Variants in JAKMIP1 observed in about 807,000 individuals in gnomAD.
The protein encoded by JAKMIP1 is janus kinase and microtubule interacting protein 1, also known as janus kinase and microtubule-interacting protein 1.
A neutral mutation model predicts 113.0 loss-of-function variants in JAKMIP1; 33 were observed. The ratio of observed to expected loss-of-function variants is 0.29; its 90% CI spans 0.22 to 0.39. The LOEUF (loss-of-function observed/expected upper bound fraction) is 0.39, where lower values mean the gene tolerates loss of function less well. Ranked by LOEUF, JAKMIP1 falls within the 10% of genes least tolerant of loss-of-function variation. JAKMIP1 has a pLI of 1.00. For synonymous variants in JAKMIP1, 480 were observed against 459.9 expected (o/e 1.04, Z -0.56); for missense variants, 813 against 1,080.5 (o/e 0.75, Z 3.47).
chr4:6,063,545 C>A (rs376003177), intron 9 of JAKMIP1, among the ~76,000 whole-genome samples: 4 of 152,218 alleles, frequency 2.6e-5, no homozygotes, highest in Admixed American at 2.0e-4. Flanking sequence ...GGTGGGCTGA[C>A]GGGGAGGATG....
At position 6,124,932 on chromosome 4, in the gene JAKMIP1, G is replaced by A. The variant is rs74778269; in HGVS notation, c.-147-11935C>T. ...ATCTCCAGGACTATGAGGCCAGCTG[G>A]GTTGAGATTGCCACAGGAGACAGAC... On this transcript the variant is annotated intron_variant, in intron 1 of 20. Transcript: ENST00000409021. Among the ~76,000 whole-genome samples, 270 of 152,302 alleles carry A rather than the reference G, an allele frequency of 1.8e-3. 1 individual carries two copies. The highest frequency in any genetic ancestry group is 3.1e-3 in the Non-Finnish European group (214 of 68,016).
intron 1 of JAKMIP1, among the ~76,000 whole-genome samples, chr4:6,189,248 G>C (rs1010959840): frequency 6.6e-6 from 1 of 152,238 alleles, no homozygotes; most frequent in African/African-American, 2.4e-5. Context: ...CTAAAAGCAG[G>C]CTGCACCGTA....
Position 6,076,176 on chromosome 4 carries a change from CA to C in JAKMIP1, c.1302+2762del, listed in dbSNP as rs960593294. Among the ~76,000 whole-genome samples the C allele has an allele frequency of 6.6e-6, 1 of 151,436 alleles. No homozygotes were observed. The highest frequency in any genetic ancestry group is 2.4e-5 in the African/African-American group (1 of 41,244). On this transcript the variant is annotated intron_variant, in intron 8 of 20. Coordinates refer to ENST00000409021, the MANE Select transcript of JAKMIP1 (RefSeq NM_001099433.2). The surrounding 1 kb of genome is among the most constrained non-coding windows in gnomAD (Gnocchi z 4.8). ...AGGCAACAAGAGCGAAACTCCATCT[CA>C]AAAAAAATTAGTAAATAAATAAAAA...
rs1324758432 is a variant in JAKMIP1 at position 6,036,021 on chromosome 4, C to T, written c.2262G>A (p.Gln754=). 1 of 1,552,754 alleles carries T rather than the reference C, an allele frequency of 6.4e-7. No individual in the cohort carries two copies. The highest frequency in any genetic ancestry group is 1.4e-5 in the African/African-American group (1 of 73,196). The change falls in exon 19 of 21, where the codon CAG becomes CAA. Residue 754 remains glutamine, a synonymous_variant. Coordinates refer to ENST00000409021, the MANE Select transcript of JAKMIP1 (RefSeq NM_001099433.2). ...RRAGEALSEG[Q]REDLQAAVEK... ...CCACAGCAGCCTGCAGGTCCTCCCGCTGGCCCTCGCTCAGCGCCTCACCGG... is the reference window on the plus strand; with the variant it reads ...CCACAGCAGCCTGCAGGTCCTCCCGTTGGCCCTCGCTCAGCGCCTCACCGG...
Position 6,036,053 on chromosome 4 carries a change from G to A in JAKMIP1, c.2230C>T (p.Arg744Trp), listed in dbSNP as rs377012431. Residue 744 changes from arginine (R) to tryptophan (W), a missense_variant, in exon 19 of 21, where the codon CGG becomes TGG. Around this residue, in one of 2 missense-constraint regions of JAKMIP1, gnomAD observed 273 missense variants for 426.6 expected, o/e 0.64. Transcript: ENST00000409021. The part of the protein sequence containing the change: ...LYTALQQEPG[R>W]RAGEALSEGQ... ...TCGCTCAGCGCCTCACCGGCCCTCC[G>A]CCCCGGCTCCTGCTGCAGCGCTGTG... The A allele has an allele frequency of 1.7e-5, 27 of 1,556,500 alleles. No homozygotes were observed. In the East Asian group the frequency reaches 2.7e-4, roughly 15 times the overall value.
At chr4:6,126,809 T>A (rs1044337099) in intron 1 of JAKMIP1, among the ~76,000 whole-genome samples, 3 of 149,432 alleles carry the variant, frequency 2.0e-5, no homozygotes, top group East Asian at 2.0e-4. Flanking sequence ...CGCACACACA[T>A]CATACAGAAA....
At chr4:6,169,816 C>G (rs576909849) in intron 1 of JAKMIP1, among the ~76,000 whole-genome samples, 257 of 151,962 alleles carry the variant, frequency 1.7e-3, no homozygotes, top group African/African-American at 6.0e-3. Flanking sequence ...GTGGTGGTAC[C>G]TACCTCATAG....
chr4:6,159,088 C>CAAAAAA (rs111279741), intron 1 of JAKMIP1, among the ~76,000 whole-genome samples: 1 of 143,538 alleles, frequency 7.0e-6, no homozygotes, highest in Non-Finnish European at 1.5e-5. Context: ...GATCCTGTCT[C>CAAAAAA]AAAAAAAAAA....
intron 8 of JAKMIP1, chr4:6,070,199 G>T (rs973179618): frequency 2.5e-6 from 1 of 398,502 alleles, no homozygotes; most frequent in Non-Finnish European, 4.4e-6. Context: ...GCCCCTGTGC[G>T]TGGGCTTAGG....
chr4:6,039,080 GA>G (rs1428107545), intron 18 of JAKMIP1, among the ~76,000 whole-genome samples: 4 of 152,362 alleles, frequency 2.6e-5, no homozygotes, highest in African/African-American at 9.6e-5. Flanking sequence ...ATCCCACTGG[GA>G]GCACAGTGCC....
intron 1 of JAKMIP1, among the ~76,000 whole-genome samples, chr4:6,115,568 C>T (rs1375344771): frequency 6.6e-6 from 1 of 152,192 alleles, no homozygotes. Flanking sequence ...GACATAGCAG[C>T]CACGCCCCCA....
chr4:6,181,978 GA>G lies in JAKMIP1; in HGVS notation c.-148+18274del, dbSNP rs2109042168. Among the ~76,000 whole-genome samples, 1 of 152,232 alleles carries G rather than the reference GA, an allele frequency of 6.6e-6. No homozygotes were observed. Among genetic ancestry groups the G allele is most frequent in the Admixed American group, 6.5e-5 (1 of 15,298 alleles). ...GAGGAGGGGTCTGGGCAAGTTCAGGGAAAGCAGACGATTCAATAAGGTAAGG... is the reference window on the plus strand; with the variant it reads ...GAGGAGGGGTCTGGGCAAGTTCAGGGAAGCAGACGATTCAATAAGGTAAGG... On this transcript the variant is annotated intron_variant, in intron 1 of 20. Transcript: ENST00000409021. This position sits in a 1 kb window ranked among gnomAD's most constrained non-coding sequence, Gnocchi z 5.4.
chr4:6,169,642 AATT>A (rs1724109263), intron 1 of JAKMIP1, among the ~76,000 whole-genome samples: 1 of 121,656 alleles, frequency 8.2e-6, no homozygotes, highest in African/African-American at 2.9e-5. Context: ...TGTGTGTGTG[AATT>A]ATTTTCAGAT....
At chr4:6,170,876 A>G (rs1192149960) in intron 1 of JAKMIP1, among the ~76,000 whole-genome samples, 1 of 141,660 alleles carries the variant, frequency 7.1e-6, no homozygotes, top group Non-Finnish European at 1.5e-5. Context: ...CATCACAATC[A>G]CCTCCATCAC....
chr4:6,095,892 A>G (rs73073475), intron 3 of JAKMIP1, among the ~76,000 whole-genome samples: 2,585 of 152,316 alleles, frequency 0.017, 64 homozygotes, highest in African/African-American at 0.058. Flanking sequence ...AGGGGAAAAC[A>G]CACAAGAAAT....
intron 16 of JAKMIP1, among the ~76,000 whole-genome samples, chr4:6,043,457 C>T (rs1175272783): frequency 6.6e-6 from 1 of 152,034 alleles, no homozygotes; most frequent in Non-Finnish European, 1.5e-5. Context: ...CCGGGATCCA[C>T]CCTCCCTACC....
chr4:6,105,486 T>C lies in JAKMIP1; in HGVS notation c.611A>G (p.Asp204Gly), dbSNP rs1713758107. ...GGCGGCACGTACCAGCCTGCGGATG[T>C]CGCGCTCGCACTCGCGCTTGATGCG... is the stretch of plus-strand genomic sequence containing the variant. ...VHRIKRECER[D>G]IRRLMDEIKG... The change falls in exon 3 of 21, where the codon GAC (aspartate) becomes GGC (glycine). Residue 204 changes from aspartate to glycine, a missense_variant. This residue lies in a region of JAKMIP1 where 540 missense variants were observed against 653.9 expected (regional missense o/e 0.83). Coordinates refer to ENST00000409021, the MANE Select transcript of JAKMIP1 (RefSeq NM_001099433.2). The C allele has an allele frequency of 6.2e-7, 1 of 1,601,608 alleles. No individual in the cohort carries two copies. Among genetic ancestry groups the C allele is most frequent in the South Asian group, 1.1e-5 (1 of 90,110 alleles).
At chr4:6,130,793 A>G (rs1054268233) in intron 1 of JAKMIP1, among the ~76,000 whole-genome samples, 44 of 152,216 alleles carry the variant, frequency 2.9e-4, no homozygotes, top group Non-Finnish European at 1.2e-4. Flanking sequence ...AGGAAGAAGC[A>G]GTGGGCTTCA....
In JAKMIP1 at chr4:6,141,313, G is replaced by A. The variant is rs1474345494; in HGVS notation, c.-147-28316C>T. On this transcript the variant is annotated intron_variant, in intron 1 of 20. Transcript: ENST00000409021. The surrounding 1 kb of genome is among the most constrained non-coding windows in gnomAD (Gnocchi z 9.4). Reference sequence around the variant, plus strand: ...TAGCCAGGGGTGGTGGCGCGCATCTGTAATCCCAGCTACTTGACAGGCTGA... The same window carrying A: ...TAGCCAGGGGTGGTGGCGCGCATCTATAATCCCAGCTACTTGACAGGCTGA... 6.6e-6 allele frequency among the ~76,000 whole-genome samples: 1 copy of A among 152,110 alleles called. No individual in the cohort carries two copies. The highest frequency in any genetic ancestry group is 1.5e-5 in the Non-Finnish European group (1 of 68,036).
Sources: allele counts gnomAD v4.1 joint callset (sites outside exome capture counted in the v4.1 genomes callset), GRCh38; gene constraint gnomAD v4.1.1; regional missense constraint gnomAD v4.1.1; non-coding constraint Gnocchi (gnomAD v3.1); transcripts MANE v1.5; gene names NCBI Gene and HGNC (gene_info 2026-07-23, HGNC 2026-07-21).